The following ATF3 variants were observed in gnomAD, a reference collection of about 807,000 sequenced individuals.
The protein encoded by ATF3 is cyclic AMP-dependent transcription factor ATF-3.
Under a neutral mutation model 18.4 loss-of-function variants are expected in ATF3, and 10 were observed. That is an observed-to-expected ratio of 0.54 (90% confidence interval 0.34 to 0.92). ATF3 has a LOEUF of 0.92. Among genes scored for constraint, ATF3 ranks in the 40% least tolerant of loss-of-function variants. The probability of loss-of-function intolerance (pLI) is 0.02; values close to 1 mark genes in which losing one functional copy is unlikely to be tolerated. For missense variants in ATF3, 183 were observed against 222.3 expected (o/e 0.82, Z 1.12); for synonymous variants, 78 against 87.9 (o/e 0.89, Z 0.63).
upstream of ATF3, among the ~76,000 whole-genome samples, chr1:212,604,341 A>G (rs991457531): frequency 8.5e-5 from 13 of 152,242 alleles, no homozygotes; most frequent in African/African-American, 3.1e-4. Flanking sequence ...TCTGGATTCA[A>G]TCTCTCAAAT....
chr1:212,604,732 G>T (rs189139909), upstream of ATF3, among the ~76,000 whole-genome samples: 21 of 152,296 alleles, frequency 1.4e-4, no homozygotes, highest in Admixed American at 9.2e-4. Flanking sequence ...ATTCAGGACC[G>T]TCAGAGCTCA....
chr1:212,611,206 T>C (rs1046257220), intron 1 of ATF3, among the ~76,000 whole-genome samples: 1 of 152,204 alleles, frequency 6.6e-6, no homozygotes, highest in African/African-American at 2.4e-5. Flanking sequence ...CAGCAAATAG[T>C]GGGGTGAAAC....
chr1:212,581,221 TG>T (rs1485972087), intron 1 of ATF3, among the ~76,000 whole-genome samples: 2 of 152,194 alleles, frequency 1.3e-5, no homozygotes, highest in Non-Finnish European at 2.9e-5. Context: ...GGCTGGCGCG[TG>T]CGCAGGTCTG....
At chr1:212,594,458 G>A (rs1453028714) in intron 1 of ATF3, among the ~76,000 whole-genome samples, 1 of 152,178 alleles carries the variant, frequency 6.6e-6, no homozygotes, top group African/African-American at 2.4e-5. Flanking sequence ...TTGGCATTGT[G>A]CTTATTTTGT....
chr1:212,593,673 C>G (rs1023578694), intron 1 of ATF3, among the ~76,000 whole-genome samples: 8 of 143,496 alleles, frequency 5.6e-5, no homozygotes, highest in Non-Finnish European at 9.0e-5. Context: ...CCCAGGGGAT[C>G]AAGGCTGCAG....
At chr1:212,573,786 A>G (rs754147355) in intron 1 of ATF3, among the ~76,000 whole-genome samples, 4 of 151,874 alleles carry the variant, frequency 2.6e-5, no homozygotes, top group Non-Finnish European at 5.9e-5. Context: ...TTATACTTCT[A>G]ATTTTGATAA....
chr1:212,617,489 AC>A (rs1407176864), intron 2 of ATF3, among the ~76,000 whole-genome samples: 1 of 152,202 alleles, frequency 6.6e-6, no homozygotes, highest in Non-Finnish European at 1.5e-5. Context: ...GAGTAGTGGG[AC>A]TGACCTAAAA....
intron 1 of ATF3, among the ~76,000 whole-genome samples, chr1:212,609,398 G>A (rs999900529): frequency 2.8e-4 from 43 of 151,336 alleles, no homozygotes; most frequent in Middle Eastern, 3.4e-3. Context: ...GCGCAGAGAG[G>A]CACGAAGGCC....
At chr1:212,609,374 G>GT (rs1553304185) in intron 1 of ATF3, among the ~76,000 whole-genome samples, 3 of 143,468 alleles carry the variant, frequency 2.1e-5, no homozygotes, top group Non-Finnish European at 3.1e-5. Context: ...TCCTTCCCGG[G>GT]TGGGGGGGGG....
chr1:212,609,160 G>A (rs1010383264), intron 1 of ATF3, among the ~76,000 whole-genome samples: 2 of 152,232 alleles, frequency 1.3e-5, no homozygotes, highest in Non-Finnish European at 2.9e-5. Flanking sequence ...TTTTGACTTG[G>A]GGCGCGAAAG....
chr1:212,602,356 C>T (rs1414157201), intron 1 of ATF3, among the ~76,000 whole-genome samples: 15 of 152,158 alleles, frequency 9.9e-5, no homozygotes, highest in Admixed American at 9.8e-4. Flanking sequence ...AAGGGGTTCA[C>T]GAGTCTCAAT....
At chr1:212,606,713 G>A (rs1212244781), upstream of ATF3, among the ~76,000 whole-genome samples, 1 of 152,234 alleles carries the variant, frequency 6.6e-6, no homozygotes, top group Admixed American at 6.5e-5. Flanking sequence ...CTTTATAATG[G>A]TGCTATTTAT....
chr1:212,609,376 G>GGA (rs1491245533), intron 1 of ATF3, among the ~76,000 whole-genome samples: 40 of 59,654 alleles, frequency 6.7e-4, no homozygotes, highest in Non-Finnish European at 1.4e-3. Flanking sequence ...CTTCCCGGGT[G>GGA]GGGGGGGGGG....
At chr1:212,571,645 G>C (rs1664482864) in intron 1 of ATF3, among the ~76,000 whole-genome samples, 1 of 151,034 alleles carries the variant, frequency 6.6e-6, no homozygotes, top group African/African-American at 2.4e-5. Flanking sequence ...CCTGACCTCA[G>C]TTGATCCACC....
intron 1 of ATF3, chr1:212,613,876 A>G (rs993259389): frequency 6.6e-6 from 1 of 152,166 alleles, no homozygotes; most frequent in Non-Finnish European, 1.5e-5. Context: ...TCCTTTTGTC[A>G]TCCTTTTGGG....
Position 212,596,435 on chromosome 1 carries a change from C to T in ATF3, c.-4-18583C>T, listed in dbSNP as rs555099767. Among the ~76,000 whole-genome samples, 72 of 152,342 alleles carry T rather than the reference C, an allele frequency of 4.7e-4. 1 individual carries two copies. Among genetic ancestry groups the T allele is most frequent in the Non-Finnish European group, 3.5e-4 (24 of 68,028 alleles). On this transcript the variant is annotated intron_variant, in intron 1 of 3. Coordinates refer to the ATF3 transcript ENST00000366981. ...TAGTGTGCTTTAATTACAAAGATGA[C>T]GTTTTACAACCTAAATAGAACAAGC...
upstream of ATF3, among the ~76,000 whole-genome samples, chr1:212,607,359 G>A (rs1192041730): frequency 1.3e-5 from 2 of 152,236 alleles, no homozygotes; most frequent in African/African-American, 4.8e-5. Context: ...TCCCAGGCAG[G>A]TGCGAAAGTC....
intron 1 of ATF3, among the ~76,000 whole-genome samples, chr1:212,601,179 G>T (rs1322323155): frequency 6.6e-6 from 1 of 152,150 alleles, no homozygotes; most frequent in South Asian, 2.1e-4. Context: ...TTTGGGAAAA[G>T]AATAAAAGTC....
intron 1 of ATF3, among the ~76,000 whole-genome samples, chr1:212,576,585 T>C (rs1664579524): frequency 6.6e-6 from 1 of 151,932 alleles, no homozygotes; most frequent in Non-Finnish European, 1.5e-5. Context: ...AGAACTCTAC[T>C]TGTCCTTTTG....
Sources: allele counts gnomAD v4.1 joint callset (sites outside exome capture counted in the v4.1 genomes callset), GRCh38; gene constraint gnomAD v4.1.1; transcripts MANE v1.5; gene names NCBI Gene and HGNC (gene_info 2026-07-23, HGNC 2026-07-21).